The following NRXN3 variants were observed in gnomAD, a reference collection of about 807,000 sequenced individuals.
NRXN3 encodes the protein neurexin III.
In NRXN3, 32 loss-of-function variants were observed where a neutral mutation model predicts 137.6. That is an observed-to-expected ratio of 0.23 (90% CI 0.18 to 0.31). The LOEUF (loss-of-function observed/expected upper bound fraction) is 0.31, where lower values mean the gene tolerates loss of function less well. Ranked by LOEUF, NRXN3 falls within the 10% of genes least tolerant of loss-of-function variation. The probability of loss-of-function intolerance (pLI) is 1.00; values close to 1 mark genes in which losing one functional copy is unlikely to be tolerated. For synonymous variants in NRXN3, 798 were observed against 784.5 expected, an observed-to-expected ratio of 1.02 and a Z score of -0.29; for missense variants, 1,574 against 2,062.5, an observed-to-expected ratio of 0.76 and a Z score of 4.59.
At chr14:79,455,432 G>C (rs544056671) in intron 15 of NRXN3, among the ~76,000 whole-genome samples, 1 of 152,122 alleles carries the variant, frequency 6.6e-6, no homozygotes, top group Non-Finnish European at 1.5e-5. Context: ...ATAAAATGGA[G>C]TAATTTAGAA....
chr14:78,334,505 A>T (rs773695517), intron 4 of NRXN3, among the ~76,000 whole-genome samples: 1 of 152,194 alleles, frequency 6.6e-6, no homozygotes, highest in African/African-American at 2.4e-5. Context: ...CGAGGATGAT[A>T]CAAGATGATC....
At chr14:79,562,283 G>A (rs1363507161) in intron 16 of NRXN3, among the ~76,000 whole-genome samples, 1 of 151,956 alleles carries the variant, frequency 6.6e-6, no homozygotes, top group Non-Finnish European at 1.5e-5. Flanking sequence ...CAAATTATAG[G>A]CCCTATTTTT....
At chr14:78,450,600 T>C (rs1363801689) in intron 4 of NRXN3, among the ~76,000 whole-genome samples, 1 of 152,118 alleles carries the variant, frequency 6.6e-6, no homozygotes, top group African/African-American at 2.4e-5. Context: ...GCCTGGTAGG[T>C]TGGGGCAGGT....
chr14:79,173,997 G>A (rs2062048355), intron 15 of NRXN3, among the ~76,000 whole-genome samples: 1 of 152,192 alleles, frequency 6.6e-6, no homozygotes, highest in African/African-American at 2.4e-5. Flanking sequence ...ATCCATAAAT[G>A]TGTCTATCCC....
rs1258532269 is a variant in NRXN3, at chr14:78,771,448, A to G, written c.2045-32172A>G. Among the ~76,000 whole-genome samples, 3 of 152,234 alleles carry G rather than the reference A, an allele frequency of 2.0e-5. No individual in the cohort carries two copies. In the East Asian group the frequency reaches 5.8e-4, roughly 29 times the overall value. ...GGGCTAAAACAAGCACACATGAAGC[A>G]ATGAATGAGTATTAACTGCTGAGAT... is the stretch of plus-strand genomic sequence containing the variant. On this transcript the variant is annotated intron_variant, in intron 8 of 20. Coordinates refer to ENST00000335750, the MANE Select transcript of NRXN3 (RefSeq NM_001330195.2).
rs994468428 is a variant in NRXN3 at position 78,179,791 on chromosome 14, T to C, written c.-704+9117T>C. 3.3e-5 allele frequency among the ~76,000 whole-genome samples: 5 copies of C among 151,222 alleles called. No homozygotes were observed. The East Asian group carries it at 9.7e-4, about 29-fold the overall frequency. Reference sequence around the variant, plus strand: ...TGTACCCAGTCTCGTGTTCAGCATGTGACATATATTTGTTCTTTGTTTTTT... The same window carrying C: ...TGTACCCAGTCTCGTGTTCAGCATGCGACATATATTTGTTCTTTGTTTTTT... On this transcript the variant is annotated intron_variant, in intron 1 of 20. Coordinates refer to ENST00000335750, the MANE Select transcript of NRXN3 (RefSeq NM_001330195.2).
At chr14:78,583,305 A>T (rs1177281374) in intron 4 of NRXN3, among the ~76,000 whole-genome samples, 2 of 152,094 alleles carry the variant, frequency 1.3e-5, no homozygotes, top group Admixed American at 6.5e-5. Flanking sequence ...ATTAAATGTG[A>T]GGAGAGGGGA....
At chr14:78,740,608 T>C (rs2098562613) in intron 8 of NRXN3, among the ~76,000 whole-genome samples, 1 of 151,768 alleles carries the variant, frequency 6.6e-6, no homozygotes, top group South Asian at 2.1e-4. Flanking sequence ...CTTTGTCTTC[T>C]ACATGAAACT....
At chr14:78,274,344 C>T (rs1053980842) in intron 2 of NRXN3, among the ~76,000 whole-genome samples, 2 of 152,170 alleles carry the variant, frequency 1.3e-5, no homozygotes, top group African/African-American at 2.4e-5. Flanking sequence ...ACATGTCCTT[C>T]ACATGGTGGC....
At chr14:79,164,243 A>G (rs2061079505) in intron 15 of NRXN3, among the ~76,000 whole-genome samples, 2 of 152,022 alleles carry the variant, frequency 1.3e-5, no homozygotes. Context: ...ATACATAAAC[A>G]TATCTGATAA....
chr14:78,507,440 G>T (rs567692396), intron 4 of NRXN3, among the ~76,000 whole-genome samples: 85 of 152,286 alleles, frequency 5.6e-4, no homozygotes, highest in African/African-American at 2.0e-3. Flanking sequence ...ACTGCCCCGG[G>T]GCCAGGGCCA....
At chr14:78,911,750 T>C (rs1225890066) in intron 10 of NRXN3, among the ~76,000 whole-genome samples, 2 of 152,136 alleles carry the variant, frequency 1.3e-5, no homozygotes, top group African/African-American at 4.8e-5. Context: ...AAAATAATGG[T>C]ATGATACACA....
intron 16 of NRXN3, among the ~76,000 whole-genome samples, chr14:79,533,643 T>A (rs1201605307): frequency 6.6e-6 from 1 of 152,140 alleles, no homozygotes; most frequent in African/African-American, 2.4e-5. Flanking sequence ...AGTAAACCCA[T>A]GTTCTATTCA....
intron 4 of NRXN3, among the ~76,000 whole-genome samples, chr14:78,303,761 A>G (rs932865553): frequency 1.3e-5 from 2 of 151,978 alleles, no homozygotes; most frequent in African/African-American, 4.8e-5. Flanking sequence ...TCTCCCTCTT[A>G]TCCTTGAAGA....
intron 20 of NRXN3, among the ~76,000 whole-genome samples, chr14:79,817,969 A>G (rs867065222): frequency 4.0e-5 from 6 of 151,894 alleles, no homozygotes; most frequent in South Asian, 4.1e-4. Flanking sequence ...AATGACTCCA[A>G]TATTGGAGAG....
At chr14:78,471,718 A>G (rs1451966795) in intron 4 of NRXN3, among the ~76,000 whole-genome samples, 1 of 152,168 alleles carries the variant, frequency 6.6e-6, no homozygotes. Flanking sequence ...TTACGATACC[A>G]TTGGTCTAGG....
intron 4 of NRXN3, among the ~76,000 whole-genome samples, chr14:78,602,119 G>T (rs942710381): frequency 1.3e-5 from 2 of 152,078 alleles, no homozygotes; most frequent in African/African-American, 2.4e-5. Context: ...GGAGTTTCAA[G>T]GTCTTCTATC....
intron 1 of NRXN3, among the ~76,000 whole-genome samples, chr14:78,220,499 G>A (rs1174433148): frequency 6.6e-6 from 1 of 152,184 alleles, no homozygotes; most frequent in Non-Finnish European, 1.5e-5. Flanking sequence ...GTGAGTCAGG[G>A]ACATGTGGGG....
At chr14:79,650,142 A>T (rs549425022) in intron 16 of NRXN3, among the ~76,000 whole-genome samples, 9 of 152,184 alleles carry the variant, frequency 5.9e-5, no homozygotes, top group African/African-American at 2.2e-4. Context: ...ATGTGTGGGG[A>T]AAAACCTCCA....
Sources: allele counts gnomAD v4.1 joint callset (sites outside exome capture counted in the v4.1 genomes callset), GRCh38; gene constraint gnomAD v4.1.1; transcripts MANE v1.5; gene names NCBI Gene and HGNC (gene_info 2026-07-23, HGNC 2026-07-21).